PSMF1: variants seen among roughly 807,000 people sequenced by gnomAD.
PSMF1 encodes proteasome inhibitor subunit 1.
Under a neutral mutation model 29.3 loss-of-function variants are expected in PSMF1, and 30 were observed. The ratio of observed to expected loss-of-function variants is 1.02; its 90% CI spans 0.77 to 1.39. The LOEUF is 1.39. PSMF1 is among the 40% of genes most tolerant of loss of function. PSMF1 has a pLI of 0.00. For missense variants in PSMF1, 344 were observed against 357.5 expected, an observed-to-expected ratio of 0.96 and a Z score of 0.31; for synonymous variants, 134 against 139.7, an observed-to-expected ratio of 0.96 and a Z score of 0.29.
intron 3 of PSMF1, among the ~76,000 whole-genome samples, chr20:1,129,986 C>T (rs1047946803): frequency 4.6e-5 from 7 of 152,232 alleles, no homozygotes; most frequent in South Asian, 2.1e-4. Flanking sequence ...GAATATTATT[C>T]GGCTTTAAAA....
chr20:1,135,084 A>C lies in PSMF1; in HGVS notation c.366-37A>C, dbSNP rs768272173. On this transcript the variant is annotated intron_variant, in intron 3 of 6. Transcript: ENST00000335877. ...AATACCACTTCCAGGGTTCCTAGCC[A>C]ACTGCAAGCAGTTGACTCTTCATCT... 34 of 1,610,644 alleles carry C rather than the reference A, an allele frequency of 2.1e-5. No individual in the cohort carries two copies. The Middle Eastern group carries it at 8.2e-4, about 39-fold the overall frequency.
At chr20:1,136,180 T>A (rs943104871) in intron 4 of PSMF1, among the ~76,000 whole-genome samples, 4 of 152,092 alleles carry the variant, frequency 2.6e-5, no homozygotes, top group Admixed American at 2.0e-4. Flanking sequence ...GAATGGAGAA[T>A]AAGAAAAAGT....
chr20:1,130,242 A>C (rs2086211212), intron 3 of PSMF1, among the ~76,000 whole-genome samples: 1 of 152,202 alleles, frequency 6.6e-6, no homozygotes, highest in African/African-American at 2.4e-5. Flanking sequence ...AGATCTGGAG[A>C]TGGATGGTAG....
At chr20:1,125,715 A>G (rs1600142455) in intron 2 of PSMF1, 65 bp downstream of exon 2, 1 of 1,553,514 alleles carries the variant, frequency 6.4e-7, no homozygotes, top group Non-Finnish European at 8.7e-7. Flanking sequence ...TTTGAAACCC[A>G]TTTAACGGTA....
chr20:1,158,805 C>A (rs1363828678), intron 4 of PSMF1, among the ~76,000 whole-genome samples: 1 of 152,138 alleles, frequency 6.6e-6, no homozygotes, highest in Non-Finnish European at 1.5e-5. Flanking sequence ...ATACCTGGAG[C>A]CTCATTTAGC....
chr20:1,166,431 A>G lies in PSMF1; in HGVS notation c.*1351A>G. 1 of 708,246 alleles carries G rather than the reference A, an allele frequency of 1.4e-6. No homozygotes were observed. The highest frequency in any genetic ancestry group is 2.4e-6 in the Non-Finnish European group (1 of 411,752). 43.9% of individuals were successfully genotyped at this position (708,246 alleles called of 1,614,324 possible). A position where few individuals can be genotyped will look rare whatever the true frequency, so the allele number is the denominator to read the frequency against. The stretch of plus-strand genomic sequence containing the variant: ...AGGACCTATTATTTACCTGTAGGTA[A>G]GCAAGCTACTGTAGCTCTTCTGAGG... On this transcript the variant is annotated 3_prime_UTR_variant, in exon 7 of 7. Coordinates refer to ENST00000335877, the MANE Select transcript of PSMF1 (RefSeq NM_006814.5).
chr20:1,122,942 G>A (rs73893239), intron 1 of PSMF1, among the ~76,000 whole-genome samples: 3,315 of 152,270 alleles, frequency 0.022, 128 homozygotes, highest in African/African-American at 0.076. Flanking sequence ...AAATTTAAAG[G>A]CGTTTGCCAG....
At chr20:1,146,152 G>T (rs1305622486) in intron 4 of PSMF1, among the ~76,000 whole-genome samples, 1 of 152,118 alleles carries the variant, frequency 6.6e-6, no homozygotes, top group Non-Finnish European at 1.5e-5. Flanking sequence ...TGTTACAGAG[G>T]TTAGCACAGA....
rs191830379 is a variant in PSMF1, at chr20:1,128,095, C to G, written c.365+587C>G. Among the ~76,000 whole-genome samples the G allele has an allele frequency of 2.6e-5, 4 of 152,282 alleles. No homozygotes were observed. The East Asian group carries it at 7.7e-4, about 29-fold the overall frequency. ...CAAACAGATGAGAATGTGTGTCTAT[C>G]ATAGTATCACACAGAATAGTTTGAC... On this transcript the variant is annotated intron_variant, in intron 3 of 6. Transcript: ENST00000335877.
At position 1,169,436 on chromosome 20, in the gene PSMF1, G is replaced by A. The variant is rs2086768000; in HGVS notation, c.*4356G>A. Among the ~76,000 whole-genome samples, 1 of 152,200 alleles carries A rather than the reference G, an allele frequency of 6.6e-6. No homozygotes were observed. Among genetic ancestry groups the A allele is most frequent in the African/African-American group, 2.4e-5 (1 of 41,444 alleles). ...ATGGTGCAGTGCAATAGAGGTCACTGGATGCCCATTTGAACAGCTGCGTTC... is the reference window on the plus strand; with the variant it reads ...ATGGTGCAGTGCAATAGAGGTCACTAGATGCCCATTTGAACAGCTGCGTTC... On this transcript the variant is annotated 3_prime_UTR_variant, in exon 7 of 7. Transcript: ENST00000335877.
chr20:1,148,734 T>C (rs2086487909), intron 4 of PSMF1, among the ~76,000 whole-genome samples: 1 of 152,218 alleles, frequency 6.6e-6, no homozygotes, highest in Non-Finnish European at 1.5e-5. Flanking sequence ...TTAATACAGC[T>C]ATGAACATCC....
chr20:1,151,004 G>A (rs957963680), intron 4 of PSMF1, among the ~76,000 whole-genome samples: 1 of 152,146 alleles, frequency 6.6e-6, no homozygotes, highest in Non-Finnish European at 1.5e-5. Context: ...ACCATATTTT[G>A]AAAAGATTAT....
intron 4 of PSMF1, among the ~76,000 whole-genome samples, chr20:1,162,905 C>T (rs1215703028): frequency 1.3e-5 from 2 of 151,974 alleles, no homozygotes; most frequent in Non-Finnish European, 2.9e-5. Context: ...AATATTAATA[C>T]TTAATATTTT....
In PSMF1 at chr20:1,135,453, T is replaced by C. The variant is rs1278876147; in HGVS notation, c.551+147T>C. 3.3e-6 allele frequency: 3 copies of C among 919,022 alleles called. No homozygotes were observed. The East Asian group carries it at 8.0e-5, about 25-fold the overall frequency. 56.9% of individuals were successfully genotyped at this position (919,022 alleles called of 1,614,324 possible). On this transcript the variant is annotated intron_variant, in intron 4 of 6. Transcript: ENST00000335877. Reference sequence around the variant, plus strand: ...TCTTGGGGTGCATGGAGTTAGAAAGTGGAGACGTAAGTGGAGCAGTGAGTT... The same window carrying C: ...TCTTGGGGTGCATGGAGTTAGAAAGCGGAGACGTAAGTGGAGCAGTGAGTT...
intron 4 of PSMF1, among the ~76,000 whole-genome samples, chr20:1,153,203 C>T (rs1011620609): frequency 1.3e-5 from 2 of 152,160 alleles, no homozygotes; most frequent in African/African-American, 2.4e-5. Flanking sequence ...GTGTTTGCAG[C>T]ATATGTGTGC....
At chr20:1,151,456 TTGTC>T (rs1478989693) in intron 4 of PSMF1, among the ~76,000 whole-genome samples, 1 of 152,216 alleles carries the variant, frequency 6.6e-6, no homozygotes, top group East Asian at 1.9e-4. Context: ...ATAGATACTA[TTGTC>T]TGTATTTTAC....
upstream of PSMF1, among the ~76,000 whole-genome samples, chr20:1,117,535 G>C (rs1001469868): frequency 5.9e-5 from 9 of 152,152 alleles, no homozygotes; most frequent in South Asian, 2.1e-4. Context: ...GTAGAGACAG[G>C]GTTTCACCAT....
chr20:1,125,793 G>T, intron 2 of PSMF1, 143 bp downstream of exon 2: 1 of 1,141,640 alleles, frequency 8.8e-7, no homozygotes, highest in Non-Finnish European at 1.3e-6. Flanking sequence ...TTTATCTTAA[G>T]GTGAGAACCC....
intron 1 of PSMF1, chr20:1,113,462 A>ACACACACACG (rs2085985285): frequency 1.3e-5 from 2 of 153,828 alleles, no homozygotes; most frequent in Admixed American, 1.3e-4. Context: ...ACACACACAC[A>ACACACACACG]CACACACACA....
Sources: allele counts gnomAD v4.1 joint callset (sites outside exome capture counted in the v4.1 genomes callset), GRCh38; gene constraint gnomAD v4.1.1; transcripts MANE v1.5; gene names NCBI Gene and HGNC (gene_info 2026-07-23, HGNC 2026-07-21).